GPHN: variants seen among roughly 807,000 people sequenced by gnomAD.
GPHN encodes gephyrin.
Under a neutral mutation model 95.5 loss-of-function variants are expected in GPHN, and 17 were observed. That is an observed-to-expected ratio of 0.18 (90% CI 0.12 to 0.27). GPHN has a LOEUF of 0.27. GPHN is among the 10% of genes least tolerant of loss of function. The pLI, the probability that GPHN is intolerant of heterozygous loss-of-function variation, is 1.00. For missense variants in GPHN, 660 were observed against 978.1 expected, an observed-to-expected ratio of 0.67 and a Z score of 4.34; for synonymous variants, 320 against 322.5, an observed-to-expected ratio of 0.99 and a Z score of 0.08.
chr14:66,879,008 C>G (rs554168723), intron 4 of GPHN, among the ~76,000 whole-genome samples: 1 of 152,156 alleles, frequency 6.6e-6, no homozygotes, highest in African/African-American at 2.4e-5. Flanking sequence ...ACATATACAC[C>G]ATGGAATGCT....
intron 1 of GPHN, among the ~76,000 whole-genome samples, chr14:66,675,755 A>G (rs1275710348): frequency 2.0e-5 from 3 of 152,202 alleles, no homozygotes; most frequent in Middle Eastern, 6.8e-3. Context: ...CACAGGTTTA[A>G]ATCTTTAATC....
At chr14:67,465,205 G>A in the GPHN span, among the ~76,000 whole-genome samples, 1 of 152,256 alleles carries the variant, frequency 6.6e-6, no homozygotes, top group East Asian at 1.9e-4. Flanking sequence ...GCGAGGGGAA[G>A]CTCCACGGAG....
At chr14:66,527,072 C>A (rs1326541248) in intron 1 of GPHN, among the ~76,000 whole-genome samples, 2 of 152,162 alleles carry the variant, frequency 1.3e-5, no homozygotes, top group Admixed American at 6.5e-5. Context: ...CTTTGTACTT[C>A]TGGTAGAATT....
intron 1 of GPHN, among the ~76,000 whole-genome samples, chr14:66,680,110 G>A (rs995058305): frequency 2.6e-5 from 4 of 152,156 alleles, no homozygotes; most frequent in Non-Finnish European, 4.4e-5. Context: ...GGCAGCTTTC[G>A]ATACACTTAG....
At chr14:67,239,953 T>C in the GPHN span, among the ~76,000 whole-genome samples, 1 of 152,208 alleles carries the variant, frequency 6.6e-6, no homozygotes, top group Non-Finnish European at 1.5e-5. Context: ...CTAGGAATCC[T>C]GGAGACTTTA....
chr14:67,290,233 A>G, the GPHN span, among the ~76,000 whole-genome samples: 2 of 152,220 alleles, frequency 1.3e-5, no homozygotes, highest in African/African-American at 4.8e-5. Context: ...AAAAAGTGAC[A>G]TAACTAATTT....
intron 12 of GPHN, among the ~76,000 whole-genome samples, chr14:67,096,466 A>G (rs1361244054): frequency 1.3e-5 from 2 of 152,162 alleles, no homozygotes; most frequent in Admixed American, 6.5e-5. Context: ...AACAGGAGAA[A>G]AGAGAAATAC....
chr14:67,392,333 G>GC, the GPHN span: 3 of 1,595,384 alleles, frequency 1.9e-6, no homozygotes, highest in Non-Finnish European at 2.6e-6. Flanking sequence ...TACCTGCTTG[G>GC]CCAGGTAGCC....
At chr14:66,962,116 G>A (rs1421391072) in intron 8 of GPHN, among the ~76,000 whole-genome samples, 3 of 149,758 alleles carry the variant, frequency 2.0e-5, no homozygotes. Context: ...TTGACCCCTT[G>A]TAATCAGGTT....
chr14:67,528,830 C>A, the GPHN span, among the ~76,000 whole-genome samples: 1 of 152,184 alleles, frequency 6.6e-6, no homozygotes, highest in Non-Finnish European at 1.5e-5. Flanking sequence ...TCAATACAGA[C>A]CCCAGACAGG....
the GPHN span, among the ~76,000 whole-genome samples, chr14:67,463,500 G>A: frequency 6.6e-6 from 1 of 152,018 alleles, no homozygotes; most frequent in Non-Finnish European, 1.5e-5. Flanking sequence ...TTAACTGGGC[G>A]TGGCGGCACG....
Position 66,761,016 on chromosome 14 carries a change from TA to T in GPHN, c.144-15443del, listed in dbSNP as rs567932255. 1.4e-3 allele frequency: 820 copies of T among 567,348 alleles called. 2 individuals carry two copies. The highest frequency in any genetic ancestry group is 2.3e-3 in the Non-Finnish European group (675 of 290,766). 35.1% of individuals were successfully genotyped at this position (567,348 alleles called of 1,614,324 possible). ...GGATGTGGATATGGAAGATGCTTCTTAAAAATCTCTGTAACCATTTCTTTTA... is the reference window on the plus strand; with the variant it reads ...GGATGTGGATATGGAAGATGCTTCTTAAAATCTCTGTAACCATTTCTTTTA... On this transcript the variant is annotated intron_variant, in intron 2 of 22. Transcript: ENST00000478722.
intron 9 of GPHN, chr14:66,996,359 A>G (rs529797934): frequency 6.3e-6 from 4 of 631,156 alleles, no homozygotes; most frequent in East Asian, 2.8e-5. Flanking sequence ...CCAAAGGGGG[A>G]AAATTCACCT....
rs554767210 is a variant in GPHN at position 66,927,080 on chromosome 14, G to A, written c.828+2788G>A. Reference sequence around the variant, plus strand: ...TAGAAATGCTGCTAATTGGCCAGGCGTGGTGGCTTACACATGTAAGCACTT... The same window carrying A: ...TAGAAATGCTGCTAATTGGCCAGGCATGGTGGCTTACACATGTAAGCACTT... On this transcript the variant is annotated intron_variant, in intron 8 of 22. Coordinates refer to ENST00000478722, the MANE Select transcript of GPHN (RefSeq NM_020806.5). Among the ~76,000 whole-genome samples, 18 of 152,152 alleles carry A rather than the reference G, an allele frequency of 1.2e-4. No homozygotes were observed. The South Asian group carries it at 2.9e-3, about 25-fold the overall frequency.
intron 11 of GPHN, among the ~76,000 whole-genome samples, chr14:67,080,580 TTTG>T (rs1422043092): frequency 6.6e-6 from 1 of 152,088 alleles, no homozygotes; most frequent in Non-Finnish European, 1.5e-5. Flanking sequence ...GTTAATTTTC[TTTG>T]TTGTTGTTTT....
At chr14:67,110,783 C>T (rs771633292) in intron 14 of GPHN, among the ~76,000 whole-genome samples, 3 of 152,186 alleles carry the variant, frequency 2.0e-5, no homozygotes, top group Non-Finnish European at 4.4e-5. Context: ...GACCCTTTCA[C>T]CTCTGGTTTT....
At chr14:66,884,454 C>T (rs2064086864) in intron 5 of GPHN, among the ~76,000 whole-genome samples, 1 of 152,094 alleles carries the variant, frequency 6.6e-6, no homozygotes, top group African/African-American at 2.4e-5. Context: ...TATTTACTAG[C>T]ATTTACTAGC....
At chr14:66,943,957 A>C (rs546002145) in intron 8 of GPHN, among the ~76,000 whole-genome samples, 2 of 152,344 alleles carry the variant, frequency 1.3e-5, no homozygotes, top group East Asian at 3.9e-4. Flanking sequence ...GGTTCCATGA[A>C]GAAAATAGAG....
chr14:66,905,809 C>T (rs7145917), intron 5 of GPHN, among the ~76,000 whole-genome samples: 49,391 of 151,908 alleles, frequency 0.33, 12,818 homozygotes, highest in African/African-American at 0.7. Context: ...CTCCCACTTA[C>T]AAGTGAGAAC....
Sources: gnomAD v4.1 joint callset for allele counts (sites outside exome capture counted in the v4.1 genomes callset) on GRCh38, gnomAD v4.1.1 for gene constraint, MANE v1.5 for transcripts, NCBI Gene and HGNC (gene_info 2026-07-23, HGNC 2026-07-21) for gene names.